LDLRAD3: variants seen among roughly 807,000 people sequenced by gnomAD.
LDLRAD3 encodes the protein low-density lipoprotein receptor class A domain-containing protein 3.
A neutral mutation model predicts 29.4 loss-of-function variants in LDLRAD3; 20 were observed. The observed-to-expected ratio is 0.68, with a 90% CI of 0.48 to 0.99. LDLRAD3 has a LOEUF of 0.99. Ranked by LOEUF, LDLRAD3 falls within the 50% of genes least tolerant of loss-of-function variation. The pLI is 0.00. For missense variants in LDLRAD3, 420 were observed against 454.3 expected, an observed-to-expected ratio of 0.92 and a Z score of 0.69; for synonymous variants, 157 against 192.7, an observed-to-expected ratio of 0.81 and a Z score of 1.53.
chr11:36,105,507 G>T (rs376840885), intron 4 of LDLRAD3, among the ~76,000 whole-genome samples: 2 of 152,128 alleles, frequency 1.3e-5, no homozygotes, highest in African/African-American at 2.4e-5. Context: ...TAGGGTCATT[G>T]CAGATGTTAC....
At chr11:36,203,191 CTCT>C (rs909023372) in intron 4 of LDLRAD3, among the ~76,000 whole-genome samples, 10 of 152,156 alleles carry the variant, frequency 6.6e-5, no homozygotes, top group African/African-American at 2.4e-4. Context: ...TGACCTTGAA[CTCT>C]TGGCCTCAAG....
chr11:36,193,221 A>G (rs1398026769), intron 4 of LDLRAD3, among the ~76,000 whole-genome samples: 2 of 152,184 alleles, frequency 1.3e-5, no homozygotes, highest in Non-Finnish European at 2.9e-5. Context: ...CAAATTGCTT[A>G]GCCCAAAATA....
intron 4 of LDLRAD3, among the ~76,000 whole-genome samples, chr11:36,209,599 C>T (rs1855256841): frequency 6.6e-6 from 1 of 152,026 alleles, no homozygotes; most frequent in South Asian, 2.1e-4. Context: ...ACCTCGTGAT[C>T]CACCTGCCTC....
intron 2 of LDLRAD3, among the ~76,000 whole-genome samples, chr11:36,064,777 G>T (rs1041020692): frequency 6.6e-6 from 1 of 151,866 alleles, no homozygotes. Flanking sequence ...TTGATCTTCC[G>T]ACCCATTGGT....
At chr11:36,214,783 A>G (rs1855329767) in intron 4 of LDLRAD3, among the ~76,000 whole-genome samples, 1 of 152,188 alleles carries the variant, frequency 6.6e-6, no homozygotes, top group African/African-American at 2.4e-5. Flanking sequence ...GAATGGAATG[A>G]TGGCCATGAA....
intron 1 of LDLRAD3, among the ~76,000 whole-genome samples, chr11:36,006,925 A>C (rs1322737): frequency 0.33 from 49,800 of 152,040 alleles, 8,360 homozygotes; most frequent in South Asian, 0.49. Flanking sequence ...AGAGGGAGGA[A>C]ATGGCTGCTC....
intron 4 of LDLRAD3, among the ~76,000 whole-genome samples, chr11:36,191,576 C>CTCTCTCTCTCTA (rs377747518): frequency 2.3e-3 from 125 of 53,398 alleles, no homozygotes; most frequent in Middle Eastern, 0.012. Context: ...CTCTCTCTCT[C>CTCTCTCTCTCTA]TATATATATA....
chr11:36,185,063 C>T (rs116326200), intron 4 of LDLRAD3, among the ~76,000 whole-genome samples: 2,151 of 152,102 alleles, frequency 0.014, 53 homozygotes, highest in African/African-American at 0.048. Flanking sequence ...GTTTTTTCCC[C>T]AGTAGGGGAG....
intron 1 of LDLRAD3, among the ~76,000 whole-genome samples, chr11:36,030,035 T>C (rs1230607692): frequency 6.6e-6 from 1 of 152,198 alleles, no homozygotes; most frequent in Non-Finnish European, 1.5e-5. Context: ...CTCACCAATT[T>C]CCCTGGGCTG....
At chr11:36,209,185 C>T (rs561738853) in intron 4 of LDLRAD3, among the ~76,000 whole-genome samples, 8 of 152,046 alleles carry the variant, frequency 5.3e-5, no homozygotes, top group African/African-American at 9.7e-5. Context: ...AAACTGTCAC[C>T]GATTAGAGGA....
chr11:36,017,714 G>T (rs1050344146), intron 1 of LDLRAD3, among the ~76,000 whole-genome samples: 1 of 151,888 alleles, frequency 6.6e-6, no homozygotes, highest in Non-Finnish European at 1.5e-5. Flanking sequence ...TAGTAGAGAC[G>T]GGGTTTCACC....
intron 1 of LDLRAD3, among the ~76,000 whole-genome samples, chr11:35,979,671 G>A (rs1247364117): frequency 2.0e-5 from 3 of 152,156 alleles, no homozygotes; most frequent in Non-Finnish European, 4.4e-5. Flanking sequence ...TGAAGACATT[G>A]GGAGAAGCCA....
chr11:36,130,378 C>T (rs999223127), intron 4 of LDLRAD3, among the ~76,000 whole-genome samples: 14 of 152,042 alleles, frequency 9.2e-5, no homozygotes, highest in African/African-American at 2.4e-4. Flanking sequence ...GATGTGTCCA[C>T]GGGGGCTGGA....
At chr11:36,005,938 G>A (rs1851879798) in intron 1 of LDLRAD3, among the ~76,000 whole-genome samples, 1 of 152,158 alleles carries the variant, frequency 6.6e-6, no homozygotes, top group Non-Finnish European at 1.5e-5. Context: ...CACGAGAGCA[G>A]CAAGGGGGAA....
At chr11:36,212,551 C>CAA (rs34139512) in intron 4 of LDLRAD3, among the ~76,000 whole-genome samples, 284 of 123,242 alleles carry the variant, frequency 2.3e-3, no homozygotes, top group African/African-American at 7.1e-3. Context: ...GACCCTGTCT[C>CAA]AAAAAAAAAA....
At chr11:36,092,859 A>G (rs1590260633) in intron 3 of LDLRAD3, among the ~76,000 whole-genome samples, 1 of 152,206 alleles carries the variant, frequency 6.6e-6, no homozygotes, top group African/African-American at 2.4e-5. Context: ...ATTGTGATGT[A>G]TATTTTGATG....
At chr11:36,163,004 A>C (rs547010125) in intron 4 of LDLRAD3, among the ~76,000 whole-genome samples, 1 of 152,380 alleles carries the variant, frequency 6.6e-6, no homozygotes, top group African/African-American at 2.4e-5. Flanking sequence ...TTCCCCAAGC[A>C]GTTAAAACAA....
At chr11:36,142,998 A>G (rs1223667164) in intron 4 of LDLRAD3, among the ~76,000 whole-genome samples, 2 of 152,264 alleles carry the variant, frequency 1.3e-5, no homozygotes, top group East Asian at 1.9e-4. Context: ...GAACCTTTTC[A>G]TTAATATACA....
At chr11:36,171,123 G>A (rs186478835) in intron 4 of LDLRAD3, among the ~76,000 whole-genome samples, 125 of 152,210 alleles carry the variant, frequency 8.2e-4, no homozygotes, top group Non-Finnish European at 1.6e-3. Flanking sequence ...TGTGTCCTTA[G>A]CCCACTATTT....
Sources: gnomAD v4.1 joint callset for allele counts (sites outside exome capture counted in the v4.1 genomes callset) on GRCh38, gnomAD v4.1.1 for gene constraint, MANE v1.5 for transcripts, NCBI Gene and HGNC (gene_info 2026-07-23, HGNC 2026-07-21) for gene names.